Variants in B3GALNT1 observed in about 807,000 individuals in gnomAD.
B3GALNT1 encodes UDP-GalNAc:beta-1,3-N-acetylgalactosaminyltransferase 1.
B3GALNT1 carries 17 observed loss-of-function variants against 27.3 expected under a neutral mutation model. The ratio of observed to expected loss-of-function variants is 0.62; its 90% CI spans 0.43 to 0.94. The LOEUF (loss-of-function observed/expected upper bound fraction) is 0.94. Ranked by LOEUF, B3GALNT1 falls within the 40% of genes least tolerant of loss-of-function variation. The pLI, the probability that B3GALNT1 is intolerant of heterozygous loss-of-function variation, is 0.00. For missense variants in B3GALNT1, 347 were observed against 390.0 expected (o/e 0.89, Z 0.93); for synonymous variants, 141 against 144.0 (o/e 0.98, Z 0.15).
chr3:161,090,494 T>C (rs1724474664), intron 4 of B3GALNT1, among the ~76,000 whole-genome samples: 1 of 152,064 alleles, frequency 6.6e-6, no homozygotes, highest in Non-Finnish European at 1.5e-5. Context: ...ACAAGCCTTC[T>C]CAACAATTTT....
At chr3:161,090,670 G>A (rs1033656417) in intron 4 of B3GALNT1, among the ~76,000 whole-genome samples, 2 of 151,512 alleles carry the variant, frequency 1.3e-5, no homozygotes, top group Non-Finnish European at 2.9e-5. Flanking sequence ...AGACCATCCT[G>A]GCTAACACGG....
intron 4 of B3GALNT1, among the ~76,000 whole-genome samples, chr3:161,094,968 CT>C (rs1272838441): frequency 2.6e-5 from 4 of 151,988 alleles, no homozygotes; most frequent in Non-Finnish European, 1.5e-5. Context: ...GGCTTCCGTT[CT>C]TTTTTATTCT....
chr3:161,103,566 TTA>T, intron 2 of B3GALNT1, 49 bp from the exon 3 acceptor site: 1 of 734,128 alleles, frequency 1.4e-6, no homozygotes, highest in South Asian at 1.7e-5. Context: ...ACATTAGGAA[TTA>T]TGACATCTAA....
In B3GALNT1 at chr3:161,104,324, A is replaced by C; in HGVS notation, c.-226T>G. 2 of 1,289,724 alleles carry C rather than the reference A, an allele frequency of 1.6e-6. No homozygotes were observed. The highest frequency in any genetic ancestry group is 2.0e-6 in the Non-Finnish European group (2 of 988,848). 79.9% of individuals were successfully genotyped at this position (1,289,724 alleles called of 1,614,324 possible). A position where few individuals can be genotyped will look rare whatever the true frequency, so the allele number is the denominator to read the frequency against. On this transcript the variant is annotated 5_prime_UTR_variant, in exon 2 of 5. Transcript: ENST00000320474. ...CAAACCCAAATTTTCCTTACCTCTG[A>C]AAACAGAAAAAAAGACATGGTTTGG...
At chr3:161,098,868 T>C (rs2108415330) in intron 4 of B3GALNT1, among the ~76,000 whole-genome samples, 1 of 152,334 alleles carries the variant, frequency 6.6e-6, no homozygotes, top group South Asian at 2.1e-4. Flanking sequence ...AATGCTCTGT[T>C]TGACTATCCT....
At chr3:161,091,533 C>T (rs928814850) in intron 4 of B3GALNT1, among the ~76,000 whole-genome samples, 1 of 152,202 alleles carries the variant, frequency 6.6e-6, no homozygotes, top group African/African-American at 2.4e-5. Flanking sequence ...CGTATCCACA[C>T]TATATATGCT....
chr3:161,097,766 G>A (rs189436765), intron 4 of B3GALNT1, among the ~76,000 whole-genome samples: 108 of 152,310 alleles, frequency 7.1e-4, no homozygotes, highest in African/African-American at 2.5e-3. Flanking sequence ...CTGGAGGAGA[G>A]CTGCAAAATA....
chr3:161,095,037 A>C (rs772204288), intron 4 of B3GALNT1, among the ~76,000 whole-genome samples: 1 of 152,080 alleles, frequency 6.6e-6, no homozygotes, highest in Non-Finnish European at 1.5e-5. Flanking sequence ...TTGCTATGTT[A>C]CCCAAGCTGG....
At chr3:161,101,266 G>A in intron 3 of B3GALNT1, 33 bp from the exon 4 acceptor site, 2 of 1,250,944 alleles carry the variant, frequency 1.6e-6, no homozygotes, top group Non-Finnish European at 1.0e-6. Context: ...AAGTCAGGCA[G>A]AACAGCAGCA....
chr3:161,103,303 C>T lies in B3GALNT1; in HGVS notation c.-130+124G>A, dbSNP rs762349433. 2.0e-5 allele frequency: 5 copies of T among 246,614 alleles called. No homozygotes were observed. The East Asian group carries it at 3.5e-4, about 17-fold the overall frequency. 15.3% of individuals were successfully genotyped at this position (246,614 alleles called of 1,614,324 possible). On this transcript the variant is annotated intron_variant, in intron 3 of 4. Transcript: ENST00000320474. ...TCTTCAAATCCTCTGATGAAAGAAT[C>T]GTACTAGAATATACAACAAACTTCG...
chr3:161,104,375 C>G lies in B3GALNT1; in HGVS notation c.-277G>C. On this transcript the variant is annotated 5_prime_UTR_variant, in exon 2 of 5. Transcript: ENST00000320474. The stretch of plus-strand genomic sequence containing the variant: ...CAATTTCTTCCTTGATAGCTTTTCC[C>G]ACAACGCAGCCACCTCCTAAACGCA... The G allele has an allele frequency of 7.8e-7, 1 of 1,289,170 alleles. No homozygotes were observed. The highest frequency in any genetic ancestry group is 1.5e-5 in the African/African-American group (1 of 65,914). 79.9% of individuals were successfully genotyped at this position (1,289,170 alleles called of 1,614,324 possible).
intron 1 of B3GALNT1, chr3:161,104,709 A>G (rs1370228558): frequency 5.3e-6 from 1 of 188,296 alleles, no homozygotes; most frequent in East Asian, 1.7e-4. Flanking sequence ...AATCCCTCCG[A>G]CATCCCTGCG....
intron 4 of B3GALNT1, among the ~76,000 whole-genome samples, chr3:161,091,640 T>C (rs999411241): frequency 2.6e-5 from 4 of 152,172 alleles, no homozygotes; most frequent in African/African-American, 9.7e-5. Flanking sequence ...TACCTAATAA[T>C]GGCCCCAAGG....
rs1379958643 is a variant in B3GALNT1, at chr3:161,105,313, C to T, written c.-387G>A. On this transcript the variant is annotated 5_prime_UTR_variant, in exon 1 of 5. Transcript: ENST00000320474. ...CTCCCTGCGCACACACGCAGCCTCC[C>T]CGCATCCGCACGCACGGCCGGGCGC... 6.6e-6 allele frequency: 1 copy of T among 152,106 alleles called. No homozygotes were observed. Among genetic ancestry groups the T allele is most frequent in the African/African-American group, 2.4e-5 (1 of 41,422 alleles). The allele number at this position is 152,106 out of a possible 1,614,324, so 9.4% of individuals were successfully genotyped here.
Position 161,086,540 on chromosome 3 carries a change from T to C in B3GALNT1, c.215A>G (p.Asn72Ser), listed in dbSNP as rs776780580. The C allele has an allele frequency of 6.5e-5, 105 of 1,614,024 alleles. 1 individual carries two copies. The South Asian group carries it at 1.1e-3, about 17-fold the overall frequency. Reference sequence around the variant, plus strand: ...CAGAAATGGATTTTGATGAGAGCAGTTTGAATGCTCTCGAAGTGTGAAGTG... The same window carrying C: ...CAGAAATGGATTTTGATGAGAGCAGCTTGAATGCTCTCGAAGTGTGAAGTG... The part of the protein sequence containing the change: ...DFHFTLREHS[N>S]CSHQNPFLVI... Residue 72 changes from asparagine (N) to serine (S), a missense_variant, in exon 5 of 5, where the codon AAC becomes AGC. By Grantham distance (46) the Asn-to-Ser change is conservative. Transcript: ENST00000320474.
chr3:161,092,605 A>C (rs1725757441), intron 4 of B3GALNT1, among the ~76,000 whole-genome samples: 1 of 152,120 alleles, frequency 6.6e-6, no homozygotes, highest in Admixed American at 6.5e-5. Flanking sequence ...TAATATTTAC[A>C]GTTTTCTTTG....
At chr3:161,100,955 T>G (rs575575134) in intron 4 of B3GALNT1, among the ~76,000 whole-genome samples, 184 bp downstream of exon 4, 1 of 152,284 alleles carries the variant, frequency 6.6e-6, no homozygotes, top group East Asian at 1.9e-4. Context: ...AATCCCATTT[T>G]CCAGGGAACA....
intron 4 of B3GALNT1, among the ~76,000 whole-genome samples, chr3:161,090,702 A>G (rs893370131): frequency 1.4e-5 from 2 of 145,718 alleles, no homozygotes; most frequent in Admixed American, 1.4e-4. Flanking sequence ...CTCTACTTTA[A>G]AAAAAAAAAA....
rs1351046798 is a variant in B3GALNT1, at chr3:161,101,249, G to C, written c.-129-16C>G. The C allele has an allele frequency of 7.8e-7, 1 of 1,285,952 alleles. No individual in the cohort carries two copies. Among genetic ancestry groups the C allele is most frequent in the South Asian group, 1.2e-5 (1 of 80,952 alleles). The allele number at this position is 1,285,952 out of a possible 1,614,324, so 79.7% of individuals were successfully genotyped here. On this transcript the variant is annotated splice_polypyrimidine_tract_variant and intron_variant, in intron 3 of 4. Coordinates refer to ENST00000320474, the MANE Select transcript of B3GALNT1 (RefSeq NM_003781.4). ...GCTAAGAAAACTGGAGCAGAGCAAA[G>C]ATCACAAAGTCAGGCAGAACAGCAG...
Sources: gnomAD v4.1 joint callset for allele counts (sites outside exome capture counted in the v4.1 genomes callset) on GRCh38, gnomAD v4.1.1 for gene constraint, MANE v1.5 for transcripts, NCBI Gene and HGNC (gene_info 2026-07-23, HGNC 2026-07-21) for gene names.